CIITA: variants seen among roughly 807,000 people sequenced by gnomAD.
The protein encoded by CIITA is MHC class II transactivator.
Under a neutral mutation model 115.1 loss-of-function variants are expected in CIITA, and 72 were observed. The observed-to-expected ratio is 0.63, with a 90% confidence interval of 0.52 to 0.76. The LOEUF (loss-of-function observed/expected upper bound fraction) is 0.76. CIITA is among the 30% of genes least tolerant of loss of function. The pLI, the probability that CIITA is intolerant of heterozygous loss-of-function variation, is 0.00. For synonymous variants in CIITA, 763 were observed against 635.6 expected, an observed-to-expected ratio of 1.20 and a Z score of -3.02; for missense variants, 1,617 against 1,463.8, an observed-to-expected ratio of 1.10 and a Z score of -1.71.
Position 10,909,113 on chromosome 16 carries a change from G to A in CIITA, c.2742G>A (p.Lys914=), listed in dbSNP as rs1383718409. The A allele has an allele frequency of 6.2e-7, 1 of 1,614,216 alleles. No homozygotes were observed. The highest frequency in any genetic ancestry group is 8.5e-7 in the Non-Finnish European group (1 of 1,180,040). ...AGCTACTTCAGGCAGCAGAGGAGAAGTTCACCATCGAGCCTTTCAAAGCCA... is the reference window on the plus strand; with the variant it reads ...AGCTACTTCAGGCAGCAGAGGAGAAATTCACCATCGAGCCTTTCAAAGCCA... ...ETKLLQAAEE[K]FTIEPFKAKS... Residue 914 remains lysine (K), a synonymous_variant, in exon 12 of 20, where the codon AAG becomes AAA. Transcript: ENST00000324288.
chr16:10,915,838 C>T (rs1033354786), intron 14 of CIITA, among the ~76,000 whole-genome samples, 188 bp downstream of exon 14: 2 of 152,218 alleles, frequency 1.3e-5, no homozygotes, highest in African/African-American at 2.4e-5. Context: ...AATCCTGCCC[C>T]CAAGGCACCT....
intron 1 of CIITA, among the ~76,000 whole-genome samples, chr16:10,893,038 G>A (rs1183370403): frequency 1.3e-5 from 2 of 152,200 alleles, no homozygotes; most frequent in African/African-American, 4.8e-5. Context: ...AAAGAGACTT[G>A]CTACATGAGG....
intron 3 of CIITA, 126 bp downstream of exon 3, chr16:10,895,890 A>G (rs2038077633): frequency 8.7e-6 from 8 of 915,190 alleles, no homozygotes; most frequent in African/African-American, 1.6e-5. Flanking sequence ...TGCAAGGGGG[A>G]TGCGGAGCAA....
rs563510289 is a variant in CIITA, at chr16:10,867,903, G to A, written c.-21+1584G>A. On this transcript the variant is annotated intron_variant, in intron 1 of 5. Coordinates refer to the CIITA transcript ENST00000636238. Reference sequence around the variant, plus strand: ...CCCAACTAGCTGGGACTACAGGCATGCACCACTATGCCTGGCTAATTTTTT... The same window carrying A: ...CCCAACTAGCTGGGACTACAGGCATACACCACTATGCCTGGCTAATTTTTT... Among the ~76,000 whole-genome samples the A allele has an allele frequency of 1.4e-4, 22 of 152,140 alleles. 1 individual carries two copies. The South Asian group carries it at 2.5e-3, about 17-fold the overall frequency.
chr16:10,906,471 C>T (rs755571997), intron 10 of CIITA, 28 bp from the exon 11 acceptor site: 2 of 1,610,438 alleles, frequency 1.2e-6, no homozygotes, highest in East Asian at 2.2e-5. Flanking sequence ...CACATACCCC[C>T]ACCCTGACAC....
intron 14 of CIITA, 67 bp downstream of exon 14, chr16:10,915,717 G>A: frequency 2.8e-6 from 4 of 1,405,502 alleles, no homozygotes; most frequent in African/African-American, 1.4e-5. Context: ...ATAGCTCACT[G>A]CAGCCTCGAA....
Position 10,928,885 on chromosome 16 carries a change from C to T in CIITA, c.*5030C>T, listed in dbSNP as rs1431191193. On this transcript the variant is annotated 3_prime_UTR_variant, in exon 20 of 20. Coordinates refer to ENST00000324288, the MANE Select transcript of CIITA (RefSeq NM_000246.4). ...AAAGTTAAAAAAAAAGGCAGGGCCC[C>T]AGGGGTTGGAGTTGCATACATTTTT... The T allele has an allele frequency of 6.6e-6, 1 of 152,644 alleles. No homozygotes were observed. Among genetic ancestry groups the T allele is most frequent in the Non-Finnish European group, 1.5e-5 (1 of 68,072 alleles). 9.5% of individuals were successfully genotyped at this position (152,644 alleles called of 1,614,324 possible). A position where few individuals can be genotyped will look rare whatever the true frequency, so the allele number is the denominator to read the frequency against.
intron 15 of CIITA, among the ~76,000 whole-genome samples, chr16:10,917,177 A>G (rs1295937268): frequency 1.3e-5 from 2 of 151,840 alleles, no homozygotes; most frequent in Non-Finnish European, 2.9e-5. Flanking sequence ...GATCAATGTG[A>G]TTTTTTTTCT....
chr16:10,923,004 C>A lies in CIITA; in HGVS notation c.3318-224C>A. On this transcript the variant is annotated intron_variant, in intron 18 of 19. Coordinates refer to ENST00000324288, the MANE Select transcript of CIITA (RefSeq NM_000246.4). This position sits in a 1 kb window ranked among gnomAD's most constrained non-coding sequence, Gnocchi z 5.2. ...ATAAAGCACAGAGCAGTTAACTAACCTTTCTGGGGTCACACAGCAAGTCAG... is the reference window on the plus strand; with the variant it reads ...ATAAAGCACAGAGCAGTTAACTAACATTTCTGGGGTCACACAGCAAGTCAG... 1.7e-6 allele frequency: 1 copy of A among 589,384 alleles called. No individual in the cohort carries two copies. The highest frequency in any genetic ancestry group is 2.0e-5 in the South Asian group (1 of 50,712). The allele number at this position is 589,384 out of a possible 1,614,324, so 36.5% of individuals were successfully genotyped here.
At chr16:10,866,586 A>T in intron 1 of CIITA, 1 of 517,680 alleles carries the variant, frequency 1.9e-6, no homozygotes, top group South Asian at 1.5e-5. Flanking sequence ...AGTTGGCATC[A>T]CTTTTAATCA....
intron 13 of CIITA, among the ~76,000 whole-genome samples, chr16:10,912,212 C>T (rs2039632059): frequency 6.6e-6 from 1 of 152,066 alleles, no homozygotes; most frequent in African/African-American, 2.4e-5. Flanking sequence ...CCTCTCGGTT[C>T]AAGCAATTTT....
intron 1 of CIITA, among the ~76,000 whole-genome samples, chr16:10,869,436 A>G (rs1203992374): frequency 1.3e-5 from 2 of 151,820 alleles, no homozygotes; most frequent in Admixed American, 6.6e-5. Flanking sequence ...CACCTTATCA[A>G]TGAAGCCTGC....
chr16:10,916,303 G>C (rs1355920828), intron 14 of CIITA, 64 bp from the exon 15 acceptor site: 10 of 1,514,142 alleles, frequency 6.6e-6, no homozygotes, highest in East Asian at 2.3e-5. Flanking sequence ...GCCCTCACTG[G>C]GATGGGAAGG....
Position 10,903,828 on chromosome 16 carries a change from C to T in CIITA, c.870C>T (p.Phe290=), listed in dbSNP as rs546955314. The change falls in exon 9 of 20, where the codon TTC becomes TTT. Residue 290 remains phenylalanine, a synonymous_variant. Transcript: ENST00000324288. Reference sequence around the variant, plus strand: ...ACCGGCCAGGCTCCACCAGCCCCTTCGCTCCATCAGCCACTGACCTGCCCA... The same window carrying T: ...ACCGGCCAGGCTCCACCAGCCCCTTTGCTCCATCAGCCACTGACCTGCCCA... The part of the protein sequence containing the change: ...SPDRPGSTSP[F]APSATDLPSM... 74 of 1,614,210 alleles carry T rather than the reference C, an allele frequency of 4.6e-5. No individual in the cohort carries two copies. The highest frequency in any genetic ancestry group is 1.6e-4 in the Middle Eastern group (1 of 6,062).
At chr16:10,890,444 G>A (rs185993151) in intron 1 of CIITA, among the ~76,000 whole-genome samples, 5 of 152,120 alleles carry the variant, frequency 3.3e-5, no homozygotes, top group Admixed American at 1.3e-4. Flanking sequence ...ACATCACCAC[G>A]CCCAGCTAAG....
rs922292203 is a variant in CIITA, at chr16:10,930,293, G to A, written c.*6438G>A. The A allele has an allele frequency of 6.6e-6, 1 of 152,256 alleles. No individual in the cohort carries two copies. Among genetic ancestry groups the A allele is most frequent in the African/African-American group, 2.4e-5 (1 of 41,456 alleles). The allele number at this position is 152,256 out of a possible 1,614,324, so 9.4% of individuals were successfully genotyped here. A position where few individuals can be genotyped will look rare whatever the true frequency, so the allele number is the denominator to read the frequency against. On this transcript the variant is annotated 3_prime_UTR_variant, in exon 20 of 20. Coordinates refer to ENST00000324288, the MANE Select transcript of CIITA (RefSeq NM_000246.4). Reference sequence around the variant, plus strand: ...AACTTGTATGTTAAACATGTGACATGTATTGTTGTTTGACAGGGTGCTATT... The same window carrying A: ...AACTTGTATGTTAAACATGTGACATATATTGTTGTTTGACAGGGTGCTATT...
chr16:10,889,935 G>A lies in CIITA; in HGVS notation c.53-5347G>A, dbSNP rs566407866. Among the ~76,000 whole-genome samples, 13 of 152,322 alleles carry A rather than the reference G, an allele frequency of 8.5e-5. 1 individual carries two copies. The highest frequency in any genetic ancestry group is 4.1e-4 in the South Asian group (2 of 4,826). Reference sequence around the variant, plus strand: ...CTTGGACAAGCCATTTCACTGAGGCGTGTGAACCTCCTCTAAGCTCAAATG... The same window carrying A: ...CTTGGACAAGCCATTTCACTGAGGCATGTGAACCTCCTCTAAGCTCAAATG... On this transcript the variant is annotated intron_variant, in intron 1 of 19. Coordinates refer to ENST00000324288, the MANE Select transcript of CIITA (RefSeq NM_000246.4).
Position 10,906,736 on chromosome 16 carries a change from T to C in CIITA, c.1244T>C (p.Val415Ala). The C allele has an allele frequency of 6.2e-7, 1 of 1,610,472 alleles. No homozygotes were observed. The highest frequency in any genetic ancestry group is 8.5e-7 in the Non-Finnish European group (1 of 1,179,692). Residue 415 changes from valine (V) to alanine (A), a missense_variant, in exon 11 of 20, where the codon GTG (valine) becomes GCG (alanine). By Grantham distance (64) the Val-to-Ala change is moderately conservative. Transcript: ENST00000324288. ...CACCGGCGGCCGCGTGAGACACGAG[T>C]GATTGCTGTGCTGGGCAAAGCTGGT... ...KEHRRPRETR[V>A]IAVLGKAGQG...
intron 10 of CIITA, among the ~76,000 whole-genome samples, chr16:10,906,098 T>A (rs1596546674): frequency 6.6e-6 from 1 of 151,592 alleles, no homozygotes; most frequent in African/African-American, 2.4e-5. Flanking sequence ...GAGGCTGAGG[T>A]GGGAGGATTG....
Sources: allele counts gnomAD v4.1 joint callset (sites outside exome capture counted in the v4.1 genomes callset), GRCh38; gene constraint gnomAD v4.1.1; non-coding constraint Gnocchi (gnomAD v3.1); transcripts MANE v1.5; gene names NCBI Gene and HGNC (gene_info 2026-07-23, HGNC 2026-07-21).